Variants in SCAF8 observed in about 807,000 individuals in gnomAD.
The protein encoded by SCAF8 is SR-related and CTD-associated factor 8.
In SCAF8, 23 loss-of-function variants were observed where a neutral mutation model predicts 140.5. That is an observed-to-expected ratio of 0.16 (90% CI 0.12 to 0.23). The LOEUF is 0.23. Among genes scored for constraint, SCAF8 ranks in the 10% least tolerant of loss-of-function variants. The pLI is 1.00. For synonymous variants in SCAF8, 575 were observed against 528.9 expected (o/e 1.09, Z -1.20); for missense variants, 1,397 against 1,555.7 (o/e 0.90, Z 1.72).
chr6:154,795,232 T>C, intron 6 of SCAF8, 93 bp downstream of exon 6: 1 of 1,075,284 alleles, frequency 9.3e-7, no homozygotes, highest in Non-Finnish European at 1.3e-6. Flanking sequence ...GAATATGTGC[T>C]TTTTTTAGTT....
intron 1 of SCAF8, among the ~76,000 whole-genome samples, chr6:154,769,062 CAAAAAA>C (rs56383173): frequency 3.9e-4 from 38 of 96,744 alleles, no homozygotes; most frequent in African/African-American, 5.2e-4. Flanking sequence ...GACACTGTCT[CAAAAAA>C]AAAAAAAAAA....
chr6:154,753,421 C>T (rs754634704), intron 1 of SCAF8, among the ~76,000 whole-genome samples: 63 of 151,986 alleles, frequency 4.1e-4, no homozygotes, highest in East Asian at 1.4e-3. Flanking sequence ...GAGCCAAGAT[C>T]GTGCCATTGC....
intron 1 of SCAF8, among the ~76,000 whole-genome samples, chr6:154,737,076 A>G (rs1778442377): frequency 6.6e-6 from 1 of 152,200 alleles, no homozygotes; most frequent in Admixed American, 6.5e-5. Flanking sequence ...GTTATTGCAA[A>G]TAAGTATATG....
At chr6:154,829,405 A>G (rs754445315) in intron 18 of SCAF8, among the ~76,000 whole-genome samples, 5 of 152,178 alleles carry the variant, frequency 3.3e-5, no homozygotes, top group Non-Finnish European at 2.9e-5. Context: ...AATGCTAAAT[A>G]TACCCTTTTA....
intron 6 of SCAF8, among the ~76,000 whole-genome samples, chr6:154,797,518 C>T (rs1777640277): frequency 6.6e-6 from 1 of 151,428 alleles, no homozygotes; most frequent in Non-Finnish European, 1.5e-5. Flanking sequence ...GCCTCAGCCT[C>T]CCGAGTAGCT....
chr6:154,824,345 A>G lies in SCAF8; in HGVS notation c.2038A>G (p.Arg680Gly). ...FSPIPPPPFL[R>G]ASFNPSQPPP... Reference sequence around the variant, plus strand: ...TCCAATCCCTCCACCTCCTTTTTTAAGAGCAAGTTTTAACCCTTCACAACC... The same window carrying G: ...TCCAATCCCTCCACCTCCTTTTTTAGGAGCAAGTTTTAACCCTTCACAACC... Residue 680 changes from arginine to glycine, a missense_variant, in exon 17 of 20, where the codon AGA (arginine) becomes GGA (glycine). Around this residue, in one of 5 missense-constraint regions of SCAF8, gnomAD observed 930 missense variants for 874.6 expected, o/e 1.06. Transcript: ENST00000367178. The G allele has an allele frequency of 1.2e-6, 2 of 1,613,940 alleles. No homozygotes were observed. Among genetic ancestry groups the G allele is most frequent in the Non-Finnish European group, 1.7e-6 (2 of 1,179,844 alleles).
chr6:154,777,576 T>TA (rs1174065229), intron 2 of SCAF8, among the ~76,000 whole-genome samples: 6 of 152,238 alleles, frequency 3.9e-5, no homozygotes, highest in Non-Finnish European at 7.3e-5. Flanking sequence ...TATTTGTAGT[T>TA]ACTTGATTTT....
At chr6:154,799,221 C>A (rs1777696251) in intron 6 of SCAF8, among the ~76,000 whole-genome samples, 1 of 150,836 alleles carries the variant, frequency 6.6e-6, no homozygotes, top group Admixed American at 6.6e-5. Context: ...CAGGCGATCC[C>A]CCCACGTCAG....
In SCAF8 at chr6:154,802,147, G is replaced by A; in HGVS notation, c.783G>A (p.Lys261=). 3 of 1,557,676 alleles carry A rather than the reference G, an allele frequency of 1.9e-6. No individual in the cohort carries two copies. The highest frequency in any genetic ancestry group is 1.2e-5 in the South Asian group (1 of 81,684). Residue 261 remains lysine, a splice_region_variant and synonymous_variant, in exon 7 of 20, where the codon AAG becomes AAA. Coordinates refer to ENST00000367178, the MANE Select transcript of SCAF8 (RefSeq NM_014892.5). The stretch of plus-strand genomic sequence containing the variant: ...TAGAACAGGGAGTCTCCTTTAACAA[G>A]GTAGAAATTAAAATATCGGATCAAG... ...TPLEQGVSFN[K]KLMDRFDFGE...
At chr6:154,799,102 C>T (rs1054844158) in intron 6 of SCAF8, among the ~76,000 whole-genome samples, 12 of 150,856 alleles carry the variant, frequency 8.0e-5, no homozygotes, top group Non-Finnish European at 1.3e-4. Context: ...CTCAGCCTCC[C>T]GAGTAGCTGA....
chr6:154,819,115 A>G (rs1405556639), intron 14 of SCAF8, among the ~76,000 whole-genome samples: 2 of 151,896 alleles, frequency 1.3e-5, no homozygotes, highest in African/African-American at 4.8e-5. Context: ...ACTTTCTATG[A>G]TTAACTCAGT....
At chr6:154,790,671 T>C (rs1161149860) in intron 4 of SCAF8, among the ~76,000 whole-genome samples, 1 of 151,816 alleles carries the variant, frequency 6.6e-6, no homozygotes, top group African/African-American at 2.4e-5. Flanking sequence ...CCACCACGCC[T>C]GGCTAATGTT....
At position 154,774,087 on chromosome 6, in the gene SCAF8, T is replaced by G; in HGVS notation, c.114+15T>G. 1 of 1,535,956 alleles carries G rather than the reference T, an allele frequency of 6.5e-7. No homozygotes were observed. ...AAGCTATTAAGGTGAGTAATAAATT[T>G]TACTCTTCTATTTTCAAAAGAAAAA... On this transcript the variant is annotated intron_variant, in intron 2 of 19. Coordinates refer to ENST00000367178, the MANE Select transcript of SCAF8 (RefSeq NM_014892.5).
At chr6:154,784,713 C>G (rs1777201221) in intron 3 of SCAF8, among the ~76,000 whole-genome samples, 2 of 152,194 alleles carry the variant, frequency 1.3e-5, no homozygotes, top group Admixed American at 1.3e-4. Flanking sequence ...TATGCAAATA[C>G]TGCCCATTTT....
rs531279592 is a variant in SCAF8, at chr6:154,757,360, G to C, written c.31-16629G>C. Among the ~76,000 whole-genome samples the C allele has an allele frequency of 6.3e-4, 96 of 152,278 alleles. 5 individuals carry two copies. The South Asian group carries it at 0.017, about 27-fold the overall frequency. The stretch of plus-strand genomic sequence containing the variant: ...TTATAGATACATGATTGCAAAACTT[G>C]TCAAAAGTAAAGTTCTGAGGGAAAA... On this transcript the variant is annotated intron_variant, in intron 1 of 19. Coordinates refer to ENST00000367178, the MANE Select transcript of SCAF8 (RefSeq NM_014892.5).
At chr6:154,749,320 A>T (rs1225091225) in intron 1 of SCAF8, among the ~76,000 whole-genome samples, 1 of 152,158 alleles carries the variant, frequency 6.6e-6, no homozygotes, top group Non-Finnish European at 1.5e-5. Flanking sequence ...AGATTGCTTT[A>T]ATACAATAAT....
rs889610579 is a variant in SCAF8, at chr6:154,733,678, C to T, written c.-223C>T. 9 of 1,303,588 alleles carry T rather than the reference C, an allele frequency of 6.9e-6. No individual in the cohort carries two copies. The African/African-American group carries it at 1.1e-4, about 16-fold the overall frequency. The allele number at this position is 1,303,588 out of a possible 1,614,324, so 80.8% of individuals were successfully genotyped here. On this transcript the variant is annotated 5_prime_UTR_variant, in exon 1 of 20. Coordinates refer to ENST00000367178, the MANE Select transcript of SCAF8 (RefSeq NM_014892.5). ...GCAGCGCCTCTGTTCCCTAGAACGG[C>T]GCTCCCCCCGCCCTAGCGGCCATGC... is the stretch of plus-strand genomic sequence containing the variant.
At position 154,831,041 on chromosome 6, in the gene SCAF8, G is replaced by A. The variant is rs529694338; in HGVS notation, c.2260G>A (p.Gly754Arg). 6 of 1,613,978 alleles carry A rather than the reference G, an allele frequency of 3.7e-6. No homozygotes were observed. Among genetic ancestry groups the A allele is most frequent in the East Asian group, 4.5e-5 (2 of 44,862 alleles). ...SNLATSALPA[G>R]NVFNAPTKQA... ...TCTTGCTACTTCCGCTCTGCCAGCT[G>A]GAAATGTTTTTAATGCTCCAACTAA... Residue 754 changes from glycine (G) to arginine (R), a missense_variant, in exon 19 of 20, where the codon GGA becomes AGA. Transcript: ENST00000367178.
intron 1 of SCAF8, among the ~76,000 whole-genome samples, chr6:154,745,244 T>C (rs1409964029): frequency 6.6e-6 from 1 of 152,214 alleles, no homozygotes; most frequent in African/African-American, 2.4e-5. Context: ...TGCTGCTGCT[T>C]CATGATTAGG....
Sources: gnomAD v4.1 joint callset for allele counts (sites outside exome capture counted in the v4.1 genomes callset) on GRCh38, gnomAD v4.1.1 for gene constraint, gnomAD v4.1.1 regional missense constraint, MANE v1.5 for transcripts, NCBI Gene and HGNC (gene_info 2026-07-23, HGNC 2026-07-21) for gene names.